KARS1: variants seen among roughly 807,000 people sequenced by gnomAD.
The protein encoded by KARS1 is lysyl-tRNA synthetase 1, also known as lysine--tRNA ligase.
KARS1 carries 50 observed loss-of-function variants against 63.9 expected under a neutral mutation model. The observed-to-expected ratio is 0.78, with a 90% CI of 0.62 to 0.99. The LOEUF (loss-of-function observed/expected upper bound fraction) is 0.99, where lower values mean the gene tolerates loss of function less well. Ranked by LOEUF, KARS1 falls within the 50% of genes least tolerant of loss-of-function variation. The probability of loss-of-function intolerance (pLI) is 0.00; values close to 1 mark genes in which losing one functional copy is unlikely to be tolerated. For synonymous variants in KARS1, 320 were observed against 264.6 expected (o/e 1.21, Z -2.03); for missense variants, 816 against 754.5 (o/e 1.08, Z -0.95).
In KARS1 at chr16:75,639,393, G is replaced by A. The variant is rs554918763; in HGVS notation, c.388+791C>T. On this transcript the variant is annotated intron_variant, in intron 3 of 13. Transcript: ENST00000302445. ...TCGAGACCAGCCTGGTCAATATGGC[G>A]AAGCCCCATCTCTACTAAAAATACA... Among the ~76,000 whole-genome samples the A allele has an allele frequency of 1.4e-3, 219 of 151,510 alleles. No individual in the cohort carries two copies. In the Middle Eastern group the frequency reaches 0.02, roughly 14 times the overall value.
In KARS1 at chr16:75,634,220, G is replaced by A; in HGVS notation, c.868C>T (p.Leu290=). Residue 290 remains leucine, a synonymous_variant, in exon 7 of 14, where the codon CTG becomes TTG. Coordinates refer to ENST00000302445, the MANE Select transcript of KARS1 (RefSeq NM_005548.3). ...AKPFITYHNE[L]DMNLYMRIAP... ...ATTCTCATATATAAGTTCATGTCCA[G>A]CTCGTTGTGATAAGTGATGAAAGGC... 1 of 1,613,926 alleles carries A rather than the reference G, an allele frequency of 6.2e-7. No homozygotes were observed. Among genetic ancestry groups the A allele is most frequent in the Non-Finnish European group, 8.5e-7 (1 of 1,179,790 alleles).
intron 11 of KARS1, among the ~76,000 whole-genome samples, chr16:75,629,860 A>C (rs1036928526): frequency 6.6e-6 from 1 of 152,264 alleles, no homozygotes; most frequent in Non-Finnish European, 1.5e-5. Context: ...TAGTGGACTC[A>C]AAAGTGTTAC....
chr16:75,636,283 G>A (rs2082160849), intron 4 of KARS1, among the ~76,000 whole-genome samples, 171 bp downstream of exon 4: 3 of 152,154 alleles, frequency 2.0e-5, no homozygotes, highest in Admixed American at 2.0e-4. Flanking sequence ...CTTGAGAGTA[G>A]TCATTACTTT....
At chr16:75,639,815 G>A (rs1009229867) in intron 3 of KARS1, 8 of 175,914 alleles carry the variant, frequency 4.5e-5, no homozygotes, top group Non-Finnish European at 4.8e-5. Flanking sequence ...AGGAAAAGAA[G>A]ATCTCACCCA....
At chr16:75,628,520 A>G in intron 13 of KARS1, 49 bp downstream of exon 13, 1 of 1,608,468 alleles carries the variant, frequency 6.2e-7, no homozygotes, top group South Asian at 1.1e-5. Context: ...TGGCTCCAAC[A>G]CAATGCAGCT....
At chr16:75,647,135 G>A (rs1419562400) in intron 1 of KARS1, among the ~76,000 whole-genome samples, 1 of 152,172 alleles carries the variant, frequency 6.6e-6, no homozygotes, top group African/African-American at 2.4e-5. Context: ...ATAACGTTCA[G>A]AATGACCTTA....
chr16:75,631,876 C>T (rs776618427), intron 7 of KARS1, 21 bp from the exon 8 acceptor site: 40 of 1,612,932 alleles, frequency 2.5e-5, no homozygotes, highest in South Asian at 9.9e-5. Flanking sequence ...CACATGGCCA[C>T]GGTCATGACA....
At chr16:75,641,837 T>C (rs770384238) in intron 1 of KARS1, 114 bp from the exon 2 acceptor site, 115 of 1,059,346 alleles carry the variant, frequency 1.1e-4, no homozygotes, top group Non-Finnish European at 1.6e-4. Flanking sequence ...TCTTGCTCAG[T>C]TCTATACCCC....
intron 12 of KARS1, chr16:75,629,018 G>C: frequency 4.1e-6 from 2 of 484,632 alleles, no homozygotes; most frequent in Non-Finnish European, 7.5e-6. Context: ...ACAATTACAA[G>C]AGTCTTTCTC....
intron 7 of KARS1, among the ~76,000 whole-genome samples, chr16:75,632,579 T>C (rs2082125258): frequency 6.6e-6 from 1 of 152,196 alleles, no homozygotes; most frequent in Non-Finnish European, 1.5e-5. Context: ...AGCTTTTAGA[T>C]TGCAGAGGTC....
In KARS1 at chr16:75,631,747, T is replaced by C. The variant is rs1464972357; in HGVS notation, c.1024A>G (p.Met342Val). Residue 342 changes from methionine (M) to valine (V), a missense_variant, in exon 8 of 14, where the codon ATG becomes GTG. By Grantham distance (21) the Met-to-Val change is conservative. Transcript: ENST00000302445. ...NPEFTTCEFYMAYADYHDLME... is the reference protein window; with the variant it reads ...NPEFTTCEFYVAYADYHDLME... ...AGATCGTGATAGTCTGCATAGGCCA[T>C]GTAGAACTCACAGGTGGTGAACTCA... is the stretch of plus-strand genomic sequence containing the variant. 5 of 1,614,104 alleles carry C rather than the reference T, an allele frequency of 3.1e-6. No homozygotes were observed. In the African/African-American group the frequency reaches 4.0e-5, roughly 13 times the overall value.
chr16:75,641,389 T>A (rs761892613), intron 2 of KARS1, among the ~76,000 whole-genome samples, 175 bp downstream of exon 2: 4 of 152,030 alleles, frequency 2.6e-5, no homozygotes, highest in Non-Finnish European at 4.4e-5. Flanking sequence ...GGGGTTGACA[T>A]AAAAAACACT....
At chr16:75,636,281 T>C (rs1443964833) in intron 4 of KARS1, among the ~76,000 whole-genome samples, 173 bp downstream of exon 4, 3 of 152,048 alleles carry the variant, frequency 2.0e-5, no homozygotes, top group Non-Finnish European at 2.9e-5. Flanking sequence ...AACTTGAGAG[T>C]AGTCATTACT....
intron 3 of KARS1, among the ~76,000 whole-genome samples, chr16:75,639,389 T>G (rs1015118463): frequency 2.0e-5 from 3 of 151,650 alleles, no homozygotes; most frequent in Admixed American, 2.0e-4. Flanking sequence ...CTGGTCAATA[T>G]GGCGAAGCCC....
Position 75,640,207 on chromosome 16 carries a change from G to A in KARS1, c.365C>T (p.Thr122Ile), listed in dbSNP as rs368331785. The change falls in exon 3 of 14, where the codon ACT (threonine) becomes ATT (isoleucine). Residue 122 changes from threonine (T) to isoleucine (I), a missense_variant. Physicochemically the swap from Thr to Ile is moderately conservative, Grantham distance 89. Transcript: ENST00000302445. Reference sequence around the variant, plus strand: ...ACCTGCCACCTTTAAGGTGATGTCAGTCAGGTGATCCCCAGGCTGCAGGTG... The same window carrying A: ...ACCTGCCACCTTTAAGGTGATGTCAATCAGGTGATCCCCAGGCTGCAGGTG... The part of the protein sequence containing the change: ...YSHLQPGDHL[T>I]DITLKVAGRI... The A allele has an allele frequency of 6.2e-7, 1 of 1,613,996 alleles. No homozygotes were observed. The highest frequency in any genetic ancestry group is 1.3e-5 in the African/African-American group (1 of 74,918).
Position 75,641,104 on chromosome 16 carries a change from G to A in KARS1, c.222+460C>T, listed in dbSNP as rs539375267. ...GAATCACTTGAACCGGGGAGGCGGAGGTTGCAGTGAGATCACACCACTGCA... is the reference window on the plus strand; with the variant it reads ...GAATCACTTGAACCGGGGAGGCGGAAGTTGCAGTGAGATCACACCACTGCA... On this transcript the variant is annotated intron_variant, in intron 2 of 13. Transcript: ENST00000302445. 2.0e-5 allele frequency among the ~76,000 whole-genome samples: 3 copies of A among 152,206 alleles called. No homozygotes were observed. In the East Asian group the frequency reaches 5.8e-4, roughly 29 times the overall value.
chr16:75,644,172 T>C, intron 1 of KARS1: 1 of 945,412 alleles, frequency 1.1e-6, no homozygotes, highest in Admixed American at 2.4e-5. Context: ...TAGGGCTCCT[T>C]GTTTCCTTAG....
At position 75,628,558 on chromosome 16, in the gene KARS1, T is replaced by C. The variant is rs2082076258; in HGVS notation, c.1695+11A>G. 13 of 1,613,182 alleles carry C rather than the reference T, an allele frequency of 8.1e-6. No individual in the cohort carries two copies. Among genetic ancestry groups the C allele is most frequent in the Non-Finnish European group, 1.1e-5 (13 of 1,179,902 alleles). On this transcript the variant is annotated intron_variant, in intron 13 of 13. Transcript: ENST00000302445. ...CTCAGGAAGTGTGCTCTGTGGAGGGTTGCTACGTACCTTGATGTTGTTGGA... is the reference window on the plus strand; with the variant it reads ...CTCAGGAAGTGTGCTCTGTGGAGGGCTGCTACGTACCTTGATGTTGTTGGA...
chr16:75,631,407 T>C lies in KARS1; in HGVS notation c.1252+9A>G. On this transcript the variant is annotated intron_variant, in intron 9 of 13. Coordinates refer to ENST00000302445, the MANE Select transcript of KARS1 (RefSeq NM_005548.3). The stretch of plus-strand genomic sequence containing the variant: ...CCTTACAACGGAGGAGTGAGTGTTG[T>C]CACTTTACCTTCAGTTTCAAAGAGG... 2 of 1,614,010 alleles carry C rather than the reference T, an allele frequency of 1.2e-6. No individual in the cohort carries two copies. The highest frequency in any genetic ancestry group is 1.7e-6 in the Non-Finnish European group (2 of 1,179,898).
Sources: gnomAD v4.1 joint callset for allele counts (sites outside exome capture counted in the v4.1 genomes callset) on GRCh38, gnomAD v4.1.1 for gene constraint, MANE v1.5 for transcripts, NCBI Gene and HGNC (gene_info 2026-07-23, HGNC 2026-07-21) for gene names.